IL1RAPL2: variants seen among roughly 807,000 people sequenced by gnomAD.
IL1RAPL2 encodes the protein X-linked interleukin-1 receptor accessory protein-like 2.
A neutral mutation model predicts 44.1 loss-of-function variants in IL1RAPL2; 3 were observed. That is an observed-to-expected ratio of 0.07 (90% CI 0.03 to 0.18). IL1RAPL2 has a LOEUF of 0.18. IL1RAPL2 is among the 10% of genes least tolerant of loss of function. The pLI, the probability that IL1RAPL2 is intolerant of heterozygous loss-of-function variation, is 1.00. For missense variants in IL1RAPL2, 391 were observed against 496.4 expected (o/e 0.79, Z 2.02); for synonymous variants, 181 against 178.8 (o/e 1.01, Z -0.10).
At chrX:105,605,113 G>T (rs1178200173) in intron 6 of IL1RAPL2, among the ~76,000 whole-genome samples, 2 of 110,670 alleles carry the variant, frequency 1.8e-5, no homozygotes, top group African/African-American at 3.3e-5. Flanking sequence ...TTAGGCAAGA[G>T]AAAGAAAGAA....
chrX:104,688,610 G>C (rs1161837878), intron 2 of IL1RAPL2, among the ~76,000 whole-genome samples: 1 of 110,750 alleles, frequency 9.0e-6, no homozygotes, highest in Non-Finnish European at 1.9e-5. Flanking sequence ...TTTTACAGTG[G>C]GGCTGCCATG....
chrX:105,333,039 A>G (rs1174323501), intron 5 of IL1RAPL2, among the ~76,000 whole-genome samples: 2 of 111,789 alleles, frequency 1.8e-5, no homozygotes, highest in Middle Eastern at 4.6e-3. Context: ...TGGAACCACA[A>G]AAGACCCAGA....
At chrX:105,419,022 C>T (rs1230383929) in intron 5 of IL1RAPL2, among the ~76,000 whole-genome samples, 2 of 111,726 alleles carry the variant, frequency 1.8e-5, no homozygotes, top group Non-Finnish European at 3.8e-5. Context: ...TAGTTAGAAC[C>T]ACAAAAACTA....
At chrX:104,874,306 C>CTT (rs1157691313) in intron 2 of IL1RAPL2, among the ~76,000 whole-genome samples, 1 of 107,935 alleles carries the variant, frequency 9.3e-6, no homozygotes, top group African/African-American at 3.4e-5. Flanking sequence ...CTCTCTCTCT[C>CTT]TCTCTCTCTC....
At chrX:104,767,188 A>G (rs1932572251) in intron 2 of IL1RAPL2, among the ~76,000 whole-genome samples, 1 of 111,887 alleles carries the variant, frequency 8.9e-6, no homozygotes, top group Non-Finnish European at 1.9e-5. Flanking sequence ...CTGATTTGTC[A>G]CTGACTGGCA....
chrX:104,949,529 C>A (rs1182547818), intron 2 of IL1RAPL2, among the ~76,000 whole-genome samples: 11 of 105,237 alleles, frequency 1.0e-4, no homozygotes, highest in African/African-American at 3.8e-4. Flanking sequence ...AATTTTGGAT[C>A]TTTCCTGCTT....
intron 2 of IL1RAPL2, among the ~76,000 whole-genome samples, chrX:105,093,149 G>T (rs768247326): frequency 9.1e-6 from 1 of 109,319 alleles, no homozygotes; most frequent in South Asian, 3.9e-4. Context: ...GTGCACTAGG[G>T]CTTATAAATA....
At chrX:105,552,639 T>G (rs2036866444) in intron 6 of IL1RAPL2, among the ~76,000 whole-genome samples, 1 of 111,953 alleles carries the variant, frequency 8.9e-6, no homozygotes, top group African/African-American at 3.3e-5. Flanking sequence ...GCTGGCTATA[T>G]GCTGAATCCC....
At chrX:105,335,138 A>G (rs745503041) in intron 5 of IL1RAPL2, among the ~76,000 whole-genome samples, 1 of 110,666 alleles carries the variant, frequency 9.0e-6, no homozygotes, top group Non-Finnish European at 1.9e-5. Context: ...AAGGACTTCT[A>G]TGTGGCTGCC....
chrX:105,352,356 G>C (rs898419387), intron 5 of IL1RAPL2, among the ~76,000 whole-genome samples: 5 of 112,085 alleles, frequency 4.5e-5, no homozygotes, highest in Non-Finnish European at 9.4e-5. Flanking sequence ...CTTATACTGG[G>C]AATGCTGTAT....
At chrX:105,633,050 C>G (rs2037501686) in intron 6 of IL1RAPL2, among the ~76,000 whole-genome samples, 1 of 111,862 alleles carries the variant, frequency 8.9e-6, no homozygotes, top group South Asian at 3.7e-4. Context: ...CTTCCTCTCC[C>G]GCCTCTCAGA....
At chrX:105,364,683 G>A (rs1214796913) in intron 5 of IL1RAPL2, among the ~76,000 whole-genome samples, 3 of 110,251 alleles carry the variant, frequency 2.7e-5, no homozygotes, top group East Asian at 2.8e-4. Context: ...TGTAAATGAC[G>A]TTTTAAAAAA....
chrX:105,003,706 T>A (rs1212742035), intron 2 of IL1RAPL2, among the ~76,000 whole-genome samples: 1 of 110,316 alleles, frequency 9.1e-6, no homozygotes, highest in Non-Finnish European at 1.9e-5. Context: ...TCCATGTGAT[T>A]CTGCAACTCT....
At chrX:104,885,242 C>A (rs1476939276) in intron 2 of IL1RAPL2, among the ~76,000 whole-genome samples, 1 of 111,798 alleles carries the variant, frequency 8.9e-6, no homozygotes, top group Admixed American at 9.5e-5. Context: ...AAGAAAGGGA[C>A]AAATTCCCTA....
chrX:105,195,398 T>C, intron 2 of IL1RAPL2, 77 bp from the exon 3 acceptor site: 2 of 954,939 alleles, frequency 2.1e-6, no homozygotes, highest in East Asian at 6.1e-5. Flanking sequence ...TTAGGACATG[T>C]TGGTGATGAT....
intron 2 of IL1RAPL2, among the ~76,000 whole-genome samples, chrX:105,075,693 G>A (rs1359109366): frequency 2.7e-5 from 3 of 111,771 alleles, no homozygotes; most frequent in African/African-American, 9.8e-5. Context: ...TGGTTGGTAA[G>A]CTATTAATTA....
intron 4 of IL1RAPL2, among the ~76,000 whole-genome samples, chrX:105,244,338 C>A (rs1290028169): frequency 9.0e-6 from 1 of 111,479 alleles, no homozygotes; most frequent in Non-Finnish European, 1.9e-5. Context: ...ACACAAAAAT[C>A]TCTGTGAATT....
At chrX:104,573,175 A>T (rs1391844986) in intron 1 of IL1RAPL2, among the ~76,000 whole-genome samples, 4 of 112,179 alleles carry the variant, frequency 3.6e-5, no homozygotes, top group Non-Finnish European at 7.5e-5. Context: ...GAAATTGCCA[A>T]ATCTATTATT....
intron 3 of IL1RAPL2, among the ~76,000 whole-genome samples, chrX:105,201,665 T>TC (rs2033718796): frequency 8.9e-6 from 1 of 111,741 alleles, no homozygotes; most frequent in Non-Finnish European, 1.9e-5. Flanking sequence ...CTTAGCACCT[T>TC]CCACTCTCCT....
Sources: allele counts gnomAD v4.1 joint callset (sites outside exome capture counted in the v4.1 genomes callset), GRCh38; gene constraint gnomAD v4.1.1; transcripts MANE v1.5; gene names NCBI Gene and HGNC (gene_info 2026-07-23, HGNC 2026-07-21).